ARHGEF10: variants seen among roughly 807,000 people sequenced by gnomAD.
ARHGEF10 encodes Rho guanine nucleotide exchange factor 10.
ARHGEF10 carries 140 observed loss-of-function variants against 147.4 expected under a neutral mutation model. The observed-to-expected ratio is 0.95, with a 90% CI of 0.83 to 1.09. The LOEUF (loss-of-function observed/expected upper bound fraction) is 1.09, where lower values mean the gene tolerates loss of function less well. ARHGEF10 is among the 50% of genes least tolerant of loss of function. ARHGEF10 has a pLI of 0.00. For missense variants in ARHGEF10, 2,222 were observed against 1,752.7 expected, an observed-to-expected ratio of 1.27 and a Z score of -4.78; for synonymous variants, 902 against 695.8, an observed-to-expected ratio of 1.30 and a Z score of -4.67.
chr8:1,911,000 G>A (rs981825624), intron 18 of ARHGEF10, among the ~76,000 whole-genome samples: 2 of 152,220 alleles, frequency 1.3e-5, no homozygotes, highest in Non-Finnish European at 2.9e-5. Flanking sequence ...AAAGCAGGGT[G>A]ATTCAACCCA....
chr8:1,841,024 C>A (rs10105984), intron 1 of ARHGEF10, among the ~76,000 whole-genome samples: 59,354 of 151,898 alleles, frequency 0.39, 11,912 homozygotes, highest in Admixed American at 0.45. Flanking sequence ...CTTGCCCCCT[C>A]TCCCGGCCGG....
chr8:1,882,154 C>A (rs1808254583), intron 9 of ARHGEF10, among the ~76,000 whole-genome samples: 1 of 152,178 alleles, frequency 6.6e-6, no homozygotes, highest in South Asian at 2.1e-4. Flanking sequence ...TGCATTCAGC[C>A]CCGTGGCTGG....
At chr8:1,906,094 A>G (rs555560249) in intron 17 of ARHGEF10, among the ~76,000 whole-genome samples, 1 of 152,342 alleles carries the variant, frequency 6.6e-6, no homozygotes, top group South Asian at 2.1e-4. Context: ...AATATAATAA[A>G]GTTGGGTATA....
At chr8:1,870,145 G>T (rs1390943866) in intron 7 of ARHGEF10, 2 of 151,980 alleles carry the variant, frequency 1.3e-5, no homozygotes, top group South Asian at 2.1e-4. Flanking sequence ...GCCCCAGCCA[G>T]TGCCGACTGA....
At chr8:1,847,910 A>C (rs2129055959) in intron 2 of ARHGEF10, among the ~76,000 whole-genome samples, 1 of 152,292 alleles carries the variant, frequency 6.6e-6, no homozygotes, top group Middle Eastern at 3.4e-3. Flanking sequence ...AATGAGTATT[A>C]CTTTAATCTT....
chr8:1,832,803 GGC>G (rs371612286), intron 1 of ARHGEF10, among the ~76,000 whole-genome samples: 3 of 118,780 alleles, frequency 2.5e-5, no homozygotes, highest in Non-Finnish European at 3.5e-5. Context: ...CAGAGGCAGA[GGC>G]AGAGACAGAG....
rs140661980 is a variant in ARHGEF10, at chr8:1,956,974, C to T, written c.3746C>T (p.Ser1249Leu). The change falls in exon 29 of 29, where the codon TCG (serine) becomes TTG (leucine). Residue 1249 changes from serine (S) to leucine (L), a missense_variant. Coordinates refer to ENST00000349830, the MANE Select transcript of ARHGEF10 (RefSeq NM_014629.4). ...AAIWLGDSLG[S>L]MTQKSDLSSS... ...ATCTGGTTGGGAGATTCGCTGGGAT[C>T]GATGACTCAGAAAAGCGACCTGTCC... The T allele has an allele frequency of 2.4e-5, 39 of 1,614,104 alleles. No homozygotes were observed. Among genetic ancestry groups the T allele is most frequent in the East Asian group, 4.5e-5 (2 of 44,890 alleles).
chr8:1,898,573 A>G (rs1810206575), intron 15 of ARHGEF10, 48 bp downstream of exon 15: 3 of 1,573,994 alleles, frequency 1.9e-6, no homozygotes, highest in Non-Finnish European at 2.6e-6. Context: ...TGGCTCGCCC[A>G]TGACTCATTT....
intron 19 of ARHGEF10, 39 bp downstream of exon 19, chr8:1,923,118 A>C: frequency 7.0e-7 from 1 of 1,421,824 alleles, no homozygotes; most frequent in Non-Finnish European, 9.9e-7. Flanking sequence ...TTCTGCCTTT[A>C]CTTATAAGTC....
chr8:1,958,434 A>G lies in ARHGEF10; in HGVS notation c.*1171A>G, dbSNP rs1815749109. 6.6e-6 allele frequency: 1 copy of G among 152,236 alleles called. No individual in the cohort carries two copies. The highest frequency in any genetic ancestry group is 1.5e-5 in the Non-Finnish European group (1 of 68,044). The allele number at this position is 152,236 out of a possible 1,614,324, so 9.4% of individuals were successfully genotyped here. ...TTTCAGTGTTTCACTTACTGGACGG[A>G]TAACAAGAAAAAAATCCTAACACAG... On this transcript the variant is annotated 3_prime_UTR_variant, in exon 29 of 29. Coordinates refer to ENST00000349830, the MANE Select transcript of ARHGEF10 (RefSeq NM_014629.4).
At chr8:1,908,415 G>T (rs1451719712) in intron 17 of ARHGEF10, among the ~76,000 whole-genome samples, 1 of 151,850 alleles carries the variant, frequency 6.6e-6, no homozygotes, top group Non-Finnish European at 1.5e-5. Context: ...AATATTTTTA[G>T]TAGAGATGGG....
At chr8:1,921,915 G>C (rs1487410982) in intron 18 of ARHGEF10, among the ~76,000 whole-genome samples, 2 of 152,096 alleles carry the variant, frequency 1.3e-5, no homozygotes, top group Non-Finnish European at 2.9e-5. Context: ...CCTTGGGTTT[G>C]AATTTTGGCT....
intron 4 of ARHGEF10, among the ~76,000 whole-genome samples, chr8:1,861,136 G>C (rs1009063574): frequency 6.6e-6 from 1 of 152,242 alleles, no homozygotes; most frequent in South Asian, 2.1e-4. Flanking sequence ...AGCGCTGACA[G>C]CTCCATTTCG....
intron 9 of ARHGEF10, among the ~76,000 whole-genome samples, chr8:1,880,418 C>T (rs1334634688): frequency 2.0e-5 from 3 of 152,244 alleles, no homozygotes; most frequent in Non-Finnish European, 4.4e-5. Context: ...GGAATGCCAT[C>T]TGGCTGTCTA....
intron 11 of ARHGEF10, among the ~76,000 whole-genome samples, chr8:1,887,690 G>C (rs371379932): frequency 6.6e-6 from 1 of 150,896 alleles, no homozygotes; most frequent in African/African-American, 2.4e-5. Flanking sequence ...GGGTCTGTGA[G>C]GAGACAGTGA....
At chr8:1,913,524 G>A (rs544505983) in intron 18 of ARHGEF10, among the ~76,000 whole-genome samples, 8 of 152,252 alleles carry the variant, frequency 5.3e-5, no homozygotes, top group African/African-American at 1.2e-4. Flanking sequence ...TGTGTTCCTC[G>A]CTGTAAGGTC....
chr8:1,910,833 T>C (rs890558164), intron 18 of ARHGEF10, among the ~76,000 whole-genome samples: 1 of 152,250 alleles, frequency 6.6e-6, no homozygotes, highest in African/African-American at 2.4e-5. Context: ...TTATTCATAA[T>C]TAAGATGGCC....
chr8:1,876,823 T>C, intron 8 of ARHGEF10, 89 bp downstream of exon 8: 1 of 1,419,812 alleles, frequency 7.0e-7, no homozygotes, highest in South Asian at 1.2e-5. Context: ...ACCTAGTACT[T>C]CATAGTGATT....
chr8:1,876,625 T>C lies in ARHGEF10; in HGVS notation c.734T>C (p.Leu245Ser). ...ENGDEGGNSSLEYGWSSSEFE... is the reference protein window; with the variant it reads ...ENGDEGGNSSSEYGWSSSEFE... The stretch of plus-strand genomic sequence containing the variant: ...GGGGATGAAGGTGGAAACAGCTCCT[T>C]GGAATACGGATGGAGTTCGAGTGAA... Residue 245 changes from leucine (L) to serine (S), a missense_variant, in exon 8 of 29, where the codon TTG (leucine) becomes TCG (serine). Transcript: ENST00000349830. 6.2e-7 allele frequency: 1 copy of C among 1,614,228 alleles called. No homozygotes were observed. The highest frequency in any genetic ancestry group is 8.5e-7 in the Non-Finnish European group (1 of 1,180,032).
Sources: allele counts gnomAD v4.1 joint callset (sites outside exome capture counted in the v4.1 genomes callset), GRCh38; gene constraint gnomAD v4.1.1; transcripts MANE v1.5; gene names NCBI Gene and HGNC (gene_info 2026-07-23, HGNC 2026-07-21).